Variants in FGF13 observed in about 807,000 individuals in gnomAD.
FGF13 encodes fibroblast growth factor homologous factor 2.
Under a neutral mutation model 19.5 loss-of-function variants are expected in FGF13, and 2 were observed. That is an observed-to-expected ratio of 0.10 (90% CI 0.04 to 0.32). The LOEUF (loss-of-function observed/expected upper bound fraction) is 0.32, where lower values mean the gene tolerates loss of function less well. Among genes scored for constraint, FGF13 ranks in the 10% least tolerant of loss-of-function variants. The pLI, the probability that FGF13 is intolerant of heterozygous loss-of-function variation, is 1.00. For synonymous variants in FGF13, 72 were observed against 76.9 expected, an observed-to-expected ratio of 0.94 and a Z score of 0.33; for missense variants, 113 against 192.7, an observed-to-expected ratio of 0.59 and a Z score of 2.45.
At chrX:138,867,099 T>C (rs182445639) in intron 1 of FGF13, among the ~76,000 whole-genome samples, 15 of 111,240 alleles carry the variant, frequency 1.3e-4, no homozygotes, top group Admixed American at 1.3e-3. Context: ...GCATCCAGCA[T>C]AGTGCCTACC....
intron 3 of FGF13, among the ~76,000 whole-genome samples, chrX:138,651,537 T>C (rs1205087119): frequency 8.9e-6 from 1 of 112,046 alleles, no homozygotes; most frequent in African/African-American, 3.2e-5. Context: ...AATTAGGTGC[T>C]TAGGAAGATA....
At chrX:138,903,164 C>G (rs1442015931) in intron 1 of FGF13, among the ~76,000 whole-genome samples, 2 of 111,739 alleles carry the variant, frequency 1.8e-5, no homozygotes, top group East Asian at 2.8e-4. Context: ...TGATATACTA[C>G]TGGATAAATG....
At chrX:138,650,633 C>T (rs1435402135) in intron 3 of FGF13, among the ~76,000 whole-genome samples, 1 of 111,514 alleles carries the variant, frequency 9.0e-6, no homozygotes, top group African/African-American at 3.3e-5. Context: ...TTAGTTTACA[C>T]ATAATAACTG....
At chrX:139,046,778 A>C (rs1339546097) in intron 1 of FGF13, among the ~76,000 whole-genome samples, 1 of 111,496 alleles carries the variant, frequency 9.0e-6, no homozygotes, top group African/African-American at 3.3e-5. Flanking sequence ...CCTCTCCATC[A>C]TCAAAATTGA....
At chrX:139,040,422 T>A (rs1224354597) in intron 1 of FGF13, among the ~76,000 whole-genome samples, 1 of 112,140 alleles carries the variant, frequency 8.9e-6, no homozygotes, top group Non-Finnish European at 1.9e-5. Flanking sequence ...AAAACAGAGA[T>A]GCACAGCAGC....
At chrX:138,643,166 T>C (rs1374504222) in intron 3 of FGF13, among the ~76,000 whole-genome samples, 4 of 112,041 alleles carry the variant, frequency 3.6e-5, no homozygotes, top group Non-Finnish European at 7.5e-5. Flanking sequence ...AGGACTCAGA[T>C]ATGACCATAT....
At chrX:138,729,836 A>T (rs771915892) in intron 1 of FGF13, among the ~76,000 whole-genome samples, 1 of 111,624 alleles carries the variant, frequency 9.0e-6, no homozygotes, top group African/African-American at 3.2e-5. Context: ...AGAGAGATAT[A>T]TAACTGCTGA....
At chrX:138,839,859 T>G in intron 3 of FGF13, among the ~76,000 whole-genome samples, 1 of 112,062 alleles carries the variant, frequency 8.9e-6, no homozygotes, top group Non-Finnish European at 1.9e-5. Flanking sequence ...CACATTATAT[T>G]TTTTAACACC....
chrX:138,779,958 C>T (rs1406926749), intron 3 of FGF13, among the ~76,000 whole-genome samples: 1 of 103,787 alleles, frequency 9.6e-6, no homozygotes, highest in Admixed American at 1.0e-4. Context: ...AGACTAACAG[C>T]GGATCTCTCG....
chrX:138,652,639 A>T (rs1459382815), intron 3 of FGF13, among the ~76,000 whole-genome samples: 1 of 112,327 alleles, frequency 8.9e-6, no homozygotes, highest in East Asian at 2.8e-4. Context: ...TACAGTTCTC[A>T]GGACTTTAAT....
chrX:139,204,067 G>C (rs780802236), upstream of FGF13: 15 of 1,209,433 alleles, frequency 1.2e-5, no homozygotes, highest in South Asian at 5.3e-5. Flanking sequence ...ACCCTTAGAA[G>C]CATCTTTCTC....
chrX:138,728,149 T>C (rs1416464864), intron 1 of FGF13, among the ~76,000 whole-genome samples: 1 of 111,424 alleles, frequency 9.0e-6, no homozygotes, highest in African/African-American at 3.3e-5. Flanking sequence ...GAATGGCTTA[T>C]TTGATAATAT....
chrX:138,930,477 AAC>A (rs748979904), intron 1 of FGF13, among the ~76,000 whole-genome samples: 1 of 112,216 alleles, frequency 8.9e-6, no homozygotes, highest in African/African-American at 3.2e-5. Context: ...TCCCCTTCAA[AAC>A]AGACTCCAAA....
intron 3 of FGF13, chrX:138,667,865 G>A (rs1195775094): frequency 1.1e-5 from 3 of 266,216 alleles, no homozygotes; most frequent in Non-Finnish European, 7.4e-6. Context: ...GGCTCGTTGA[G>A]TTACCTTTTC....
chrX:138,921,032 C>T (rs2091642063), intron 1 of FGF13, among the ~76,000 whole-genome samples: 1 of 111,638 alleles, frequency 9.0e-6, no homozygotes, highest in Admixed American at 9.5e-5. Context: ...ACTTTCTTAT[C>T]TATAAAAATA....
At chrX:138,855,107 A>G (rs2091249604), downstream of FGF13, among the ~76,000 whole-genome samples, 1 of 112,193 alleles carries the variant, frequency 8.9e-6, no homozygotes, top group African/African-American at 3.2e-5. Context: ...ATTAAAAAAC[A>G]GTCCTGCAAA....
intron 3 of FGF13, among the ~76,000 whole-genome samples, chrX:138,768,632 T>C (rs2090518935): frequency 9.3e-6 from 1 of 107,020 alleles, no homozygotes; most frequent in South Asian, 3.9e-4. Flanking sequence ...TGAATACTTT[T>C]AAATGCAAGT....
chrX:139,017,179 G>T (rs187611030), intron 1 of FGF13, among the ~76,000 whole-genome samples: 1 of 108,740 alleles, frequency 9.2e-6, no homozygotes, highest in Non-Finnish European at 1.9e-5. Context: ...GAGATGGGGG[G>T]ATCAAACTTC....
chrX:139,190,925 G>A (rs958924666), intron 1 of FGF13, among the ~76,000 whole-genome samples: 1 of 111,827 alleles, frequency 8.9e-6, no homozygotes, highest in Non-Finnish European at 1.9e-5. Context: ...AGTCCTTCAT[G>A]CCCAAAGAAA....
Sources: allele counts gnomAD v4.1 joint callset (sites outside exome capture counted in the v4.1 genomes callset), GRCh38; gene constraint gnomAD v4.1.1; transcripts MANE v1.5; gene names NCBI Gene and HGNC (gene_info 2026-07-23, HGNC 2026-07-21).